The following MICAL3 variants were observed in gnomAD, a reference collection of about 807,000 sequenced individuals.
MICAL3 encodes [F-actin]-monooxygenase MICAL3.
Under a neutral mutation model 207.4 loss-of-function variants are expected in MICAL3, and 62 were observed. That is an observed-to-expected ratio of 0.30 (90% CI 0.24 to 0.37). The LOEUF is 0.37. MICAL3 is among the 10% of genes least tolerant of loss of function. MICAL3 has a pLI of 1.00. For missense variants in MICAL3, 2,368 were observed against 2,635.6 expected, an observed-to-expected ratio of 0.90 and a Z score of 2.22; for synonymous variants, 1,077 against 1,069.3, an observed-to-expected ratio of 1.01 and a Z score of -0.14.
chr22:17,814,755 C>T (rs2062084527), intron 27 of MICAL3: 1 of 152,070 alleles, frequency 6.6e-6, no homozygotes, highest in South Asian at 2.1e-4. Context: ...GTAGGTCATC[C>T]ATCCCCTAGC....
chr22:18,022,602 T>A (rs1924555667), intron 1 of MICAL3, among the ~76,000 whole-genome samples: 1 of 152,136 alleles, frequency 6.6e-6, no homozygotes, highest in African/African-American at 2.4e-5. Context: ...TTAATTTTTG[T>A]ATTTTTAGTA....
chr22:17,829,586 T>G (rs1240826713), intron 21 of MICAL3, among the ~76,000 whole-genome samples: 1 of 152,228 alleles, frequency 6.6e-6, no homozygotes, highest in Non-Finnish European at 1.5e-5. Flanking sequence ...TTTCTCTACC[T>G]TCTCAGCAAC....
At chr22:17,890,317 C>T (rs897793535) in intron 12 of MICAL3, among the ~76,000 whole-genome samples, 1 of 152,050 alleles carries the variant, frequency 6.6e-6, no homozygotes, top group Non-Finnish European at 1.5e-5. Context: ...TCCTAGAAGA[C>T]GGTCCCCTAA....
rs1249563059 is a variant in MICAL3 at position 17,886,096 on chromosome 22, C to T, written c.2068-45G>A. 6.9e-6 allele frequency: 11 copies of T among 1,602,240 alleles called. No individual in the cohort carries two copies. The East Asian group carries it at 2.0e-4, about 29-fold the overall frequency. The stretch of plus-strand genomic sequence containing the variant: ...AAGAACCCGGCGCTGTGACAGGAGG[C>T]TCCCCCCATGCCCCTCCCTCACAGA... On this transcript the variant is annotated intron_variant, in intron 15 of 31. Coordinates refer to ENST00000441493, the MANE Select transcript of MICAL3 (RefSeq NM_015241.3).
At chr22:17,842,952 T>C (rs1416767352) in intron 19 of MICAL3, among the ~76,000 whole-genome samples, 1 of 152,008 alleles carries the variant, frequency 6.6e-6, no homozygotes, top group Non-Finnish European at 1.5e-5. Flanking sequence ...AGACCCCATC[T>C]CTACTAAAAA....
chr22:17,866,663 TAGAATATAGAATAGA>T (rs1231861415), intron 17 of MICAL3, among the ~76,000 whole-genome samples: 1 of 150,280 alleles, frequency 6.7e-6, no homozygotes, highest in African/African-American at 2.5e-5. Flanking sequence ...TAGAATAGAA[TAGAATATAGAATAGA>T]ATAGAATAGA....
At chr22:17,819,345 T>C (rs150806424) in intron 25 of MICAL3, among the ~76,000 whole-genome samples, 123 of 152,312 alleles carry the variant, frequency 8.1e-4, no homozygotes, top group South Asian at 2.9e-3. Flanking sequence ...CTGCTTAGTT[T>C]AGACAAACTG....
rs1930826297 is a variant in MICAL3 at position 17,896,283 on chromosome 22, A to C, written c.1285T>G (p.Ser429Ala). ...ACTTCCAAAGGGCTCGTTCCTAGAG[A>C]CCAACTTCGGACCATCCAGGCAGAG... ...MDSAWMVRSWSLGTSPLEVLA... is the reference protein window; with the variant it reads ...MDSAWMVRSWALGTSPLEVLA... Residue 429 changes from serine (S) to alanine (A), a missense_variant, in exon 9 of 32, where the codon TCT becomes GCT. Ser to Ala is a moderately conservative substitution (Grantham distance 99). Coordinates refer to ENST00000441493, the MANE Select transcript of MICAL3 (RefSeq NM_015241.3). 6 of 1,559,610 alleles carry C rather than the reference A, an allele frequency of 3.8e-6. No individual in the cohort carries two copies. Among genetic ancestry groups the C allele is most frequent in the Non-Finnish European group, 5.2e-6 (6 of 1,151,334 alleles).
At chr22:17,838,955 C>CTTTTTT (rs869097812) in intron 20 of MICAL3, among the ~76,000 whole-genome samples, 21 of 88,434 alleles carry the variant, frequency 2.4e-4, no homozygotes, top group African/African-American at 3.5e-4. Flanking sequence ...CCCCTAGATG[C>CTTTTTT]TTTTTTTTTT....
chr22:17,966,830 G>T (rs139956698), intron 1 of MICAL3, among the ~76,000 whole-genome samples: 1 of 152,294 alleles, frequency 6.6e-6, no homozygotes, highest in African/African-American at 2.4e-5. Context: ...TGTGCAGCTG[G>T]AACTCAGGAA....
In MICAL3 at chr22:17,990,515, G is replaced by A. The variant is rs549193092; in HGVS notation, c.-75+33766C>T. On this transcript the variant is annotated intron_variant, in intron 1 of 31. Transcript: ENST00000441493. ...GTGACCATACAAGGTGAGTAGGACT[G>A]TTACGCCCTTCATTGCACAGATGAG... 2.6e-5 allele frequency among the ~76,000 whole-genome samples: 4 copies of A among 152,308 alleles called. No homozygotes were observed. The South Asian group carries it at 8.3e-4, about 32-fold the overall frequency.
In MICAL3 at chr22:17,827,720, G is replaced by T. The variant is rs369515234; in HGVS notation, c.3117C>A (p.Asp1039Glu). 2.5e-6 allele frequency: 4 copies of T among 1,575,208 alleles called. No individual in the cohort carries two copies. The highest frequency in any genetic ancestry group is 3.4e-6 in the Non-Finnish European group (4 of 1,160,628). Residue 1039 changes from aspartate to glutamate, a missense_variant, in exon 22 of 32, where the codon GAC becomes GAA. By Grantham distance (45) the Asp-to-Glu change is conservative (BLOSUM62 2). Coordinates refer to ENST00000441493, the MANE Select transcript of MICAL3 (RefSeq NM_015241.3). ...HAADPLEIQA[D>E]VHWTHIRERE... ...TCTCACGGATATGAGTCCAGTGCAC[G>T]TCAGCCTGGATCTCCAGAGGATCCG... is the stretch of plus-strand genomic sequence containing the variant.
chr22:17,835,153 G>A (rs1476990834), intron 20 of MICAL3, among the ~76,000 whole-genome samples: 1 of 152,156 alleles, frequency 6.6e-6, no homozygotes, highest in African/African-American at 2.4e-5. Context: ...TGTCGCACCA[G>A]CTGGTTTCAC....
Position 17,971,130 on chromosome 22 carries a change from T to C in MICAL3, c.-75+53151A>G, listed in dbSNP as rs528054972. The stretch of plus-strand genomic sequence containing the variant: ...AGGCGGAGGTCGCAGTGAGCTGAGA[T>C]TGCACCACTGCACTCCAGCTTGGGC... On this transcript the variant is annotated intron_variant, in intron 1 of 31. Coordinates refer to ENST00000441493, the MANE Select transcript of MICAL3 (RefSeq NM_015241.3). Among the ~76,000 whole-genome samples, 40 of 151,868 alleles carry C rather than the reference T, an allele frequency of 2.6e-4. 2 individuals are homozygous for C. The South Asian group carries it at 8.1e-3, about 31-fold the overall frequency.
Position 17,871,952 on chromosome 22 carries a change from G to C in MICAL3, c.2313C>G (p.Val771=). ...SDTCYFCQKR[V]YVMERLSAEG... Reference sequence around the variant, plus strand: ...CGGCACTCAGCCTCTCCATCACGTAGACCCGCTTCTGGCAGAAGTAGCATG... The same window carrying C: ...CGGCACTCAGCCTCTCCATCACGTACACCCGCTTCTGGCAGAAGTAGCATG... The change falls in exon 17 of 32, where the codon GTC becomes GTG. Residue 771 remains valine, a synonymous_variant. Coordinates refer to ENST00000441493, the MANE Select transcript of MICAL3 (RefSeq NM_015241.3). 6.2e-7 allele frequency: 1 copy of C among 1,611,174 alleles called. No individual in the cohort carries two copies. Among genetic ancestry groups the C allele is most frequent in the Non-Finnish European group, 8.5e-7 (1 of 1,178,928 alleles).
At chr22:17,872,127 G>T (rs1384657284) in intron 16 of MICAL3, 104 bp from the exon 17 acceptor site, 12 of 990,010 alleles carry the variant, frequency 1.2e-5, no homozygotes, top group Middle Eastern at 5.0e-4. Context: ...CCTCACTAAG[G>T]GGTCTGCTTT....
At chr22:17,809,443 C>T (rs935961754) in intron 28 of MICAL3, among the ~76,000 whole-genome samples, 2 of 152,172 alleles carry the variant, frequency 1.3e-5, no homozygotes, top group Non-Finnish European at 2.9e-5. Context: ...AGACCCTCCT[C>T]GCTAGCATGG....
chr22:17,811,837 T>TGGACTCACGTGATCCTCCCGCCTC (rs1200283290), intron 27 of MICAL3, among the ~76,000 whole-genome samples: 5 of 152,180 alleles, frequency 3.3e-5, no homozygotes, highest in African/African-American at 1.2e-4. Context: ...TTCAAACTCC[T>TGGACTCACGTGATCCTCCCGCCTC]GGACTCACGT....
At chr22:17,953,058 C>A (rs766341599) in intron 1 of MICAL3, among the ~76,000 whole-genome samples, 10 of 152,168 alleles carry the variant, frequency 6.6e-5, no homozygotes, top group Non-Finnish European at 8.8e-5. Flanking sequence ...CTCTGCCCAG[C>A]AGGGCTCAGG....
Sources: allele counts gnomAD v4.1 joint callset (sites outside exome capture counted in the v4.1 genomes callset), GRCh38; gene constraint gnomAD v4.1.1; transcripts MANE v1.5; gene names NCBI Gene and HGNC (gene_info 2026-07-23, HGNC 2026-07-21).